The following GNA15 variants were observed in gnomAD, a reference collection of about 807,000 sequenced individuals.
GNA15 encodes G protein subunit alpha 15, also known as guanine nucleotide-binding protein subunit alpha-15.
Under a neutral mutation model 40.1 loss-of-function variants are expected in GNA15, and 23 were observed. The observed-to-expected ratio is 0.57, with a 90% CI of 0.41 to 0.81. The LOEUF is 0.81. Among genes scored for constraint, GNA15 ranks in the 40% least tolerant of loss-of-function variants. The probability of loss-of-function intolerance (pLI) is 0.00; values close to 1 mark genes in which losing one functional copy is unlikely to be tolerated. For synonymous variants in GNA15, 226 were observed against 210.4 expected (o/e 1.07, Z -0.64); for missense variants, 522 against 515.8 (o/e 1.01, Z -0.12).
At position 3,148,634 on chromosome 19, in the gene GNA15, G is replaced by A. The variant is rs1191612939; in HGVS notation, c.189G>A (p.Arg63=). Residue 63 remains arginine (R), a synonymous_variant, in exon 2 of 7, where the codon CGG becomes CGA. Coordinates refer to ENST00000262958, the MANE Select transcript of GNA15 (RefSeq NM_002068.4). ...AGAGCACCTTCATCAAGCAGATGCG[G>A]ATCATCCACGGCGCCGGCTACTCGG... is the stretch of plus-strand genomic sequence containing the variant. ...SGKSTFIKQM[R]IIHGAGYSEE... The A allele has an allele frequency of 1.1e-5, 18 of 1,587,852 alleles. No individual in the cohort carries two copies. The highest frequency in any genetic ancestry group is 1.5e-5 in the Non-Finnish European group (18 of 1,166,846).
Position 3,151,906 on chromosome 19 carries a change from G to C in GNA15, c.614+71G>C, listed in dbSNP as rs1016700792. 47 of 1,175,690 alleles carry C rather than the reference G, an allele frequency of 4.0e-5. No homozygotes were observed. Among genetic ancestry groups the C allele is most frequent in the Non-Finnish European group, 5.3e-5 (44 of 835,096 alleles). 72.8% of individuals were successfully genotyped at this position (1,175,690 alleles called of 1,614,324 possible). On this transcript the variant is annotated intron_variant, in intron 4 of 6. Coordinates refer to ENST00000262958, the MANE Select transcript of GNA15 (RefSeq NM_002068.4). The surrounding 1 kb of genome is among the most constrained non-coding windows in gnomAD (Gnocchi z 5.0). ...CTGTAGGAAGGGCAAAGGAGCTGGG[G>C]CCCTGAGGGATGAGTAGGAGTTTCT...
Position 3,151,570 on chromosome 19 carries a change from C to T in GNA15, c.486-137C>T. 1.0e-6 allele frequency: 1 copy of T among 999,408 alleles called. No homozygotes were observed. The highest frequency in any genetic ancestry group is 1.4e-6 in the Non-Finnish European group (1 of 702,820). 61.9% of individuals were successfully genotyped at this position (999,408 alleles called of 1,614,324 possible). A position where few individuals can be genotyped will look rare whatever the true frequency, so the allele number is the denominator to read the frequency against. On this transcript the variant is annotated intron_variant, in intron 3 of 6. Transcript: ENST00000262958. This position sits in a 1 kb window ranked among gnomAD's most constrained non-coding sequence, Gnocchi z 5.0. The stretch of plus-strand genomic sequence containing the variant: ...CAGGTGGGGGACGCTCCTGGGCCAT[C>T]TGCCAACTCCAGGGACCCCACCTCC...
Position 3,144,815 on chromosome 19 carries a change from A to G in GNA15, c.146-3776A>G, listed in dbSNP as rs563359088. Among the ~76,000 whole-genome samples, 277 of 146,764 alleles carry G rather than the reference A, an allele frequency of 1.9e-3. 1 individual carries two copies. The highest frequency in any genetic ancestry group is 3.3e-3 in the Admixed American group (48 of 14,446). On this transcript the variant is annotated intron_variant, in intron 1 of 6. Coordinates refer to ENST00000262958, the MANE Select transcript of GNA15 (RefSeq NM_002068.4). ...AGTGCTGAGATTACAGGCGTGAGCC[A>G]CCGGGCCCGGCCCTTTATTTTTATT...
At chr19:3,143,760 C>T (rs113482633) in intron 1 of GNA15, among the ~76,000 whole-genome samples, 4,049 of 152,128 alleles carry the variant, frequency 0.027, 76 homozygotes, top group Middle Eastern at 0.055. Context: ...AGGAATTGTG[C>T]GACCCACAGC....
Position 3,151,725 on chromosome 19 carries a change from G to T in GNA15, c.504G>T (p.Glu168Asp), listed in dbSNP as rs201656938. ...DSAVYYLSHL[E>D]RITEEGYVPT... Reference sequence around the variant, plus strand: ...TCTGCAGCTACCTGTCCCACCTGGAGCGCATCACCGAGGAGGGCTACGTCC... The same window carrying T: ...TCTGCAGCTACCTGTCCCACCTGGATCGCATCACCGAGGAGGGCTACGTCC... Residue 168 changes from glutamate (E) to aspartate (D), a missense_variant, in exon 4 of 7, where the codon GAG (glutamate) becomes GAT (aspartate). Coordinates refer to ENST00000262958, the MANE Select transcript of GNA15 (RefSeq NM_002068.4). The surrounding 1 kb of genome is among the most constrained non-coding windows in gnomAD (Gnocchi z 5.0). 97 of 1,604,974 alleles carry T rather than the reference G, an allele frequency of 6.0e-5. 1 individual carries two copies. In the East Asian group the frequency reaches 2.1e-3, roughly 35 times the overall value.
chr19:3,144,794 C>T lies in GNA15; in HGVS notation c.146-3797C>T, dbSNP rs562304841. The stretch of plus-strand genomic sequence containing the variant: ...CCGCCCGCCTTGGCCTCCCATAGTG[C>T]TGAGATTACAGGCGTGAGCCACCGG... On this transcript the variant is annotated intron_variant, in intron 1 of 6. Coordinates refer to ENST00000262958, the MANE Select transcript of GNA15 (RefSeq NM_002068.4). 4.0e-5 allele frequency among the ~76,000 whole-genome samples: 6 copies of T among 150,556 alleles called. No individual in the cohort carries two copies. In the East Asian group the frequency reaches 1.2e-3, roughly 30 times the overall value.
rs959336680 is a variant in GNA15, at chr19:3,136,733, G to C, written c.145+138G>C. 2.5e-6 allele frequency: 2 copies of C among 785,752 alleles called. No individual in the cohort carries two copies. The highest frequency in any genetic ancestry group is 2.0e-6 in the Non-Finnish European group (1 of 500,972). 48.7% of individuals were successfully genotyped at this position (785,752 alleles called of 1,614,324 possible). On this transcript the variant is annotated intron_variant, in intron 1 of 6. Coordinates refer to ENST00000262958, the MANE Select transcript of GNA15 (RefSeq NM_002068.4). This position sits in a 1 kb window ranked among gnomAD's most constrained non-coding sequence, Gnocchi z 4.9. ...CCGTCGCCTCCTCCCAGGGAATGGG[G>C]AGCCTGGAACCCATTTTCCAGATGA...
At chr19:3,159,042 TGAGACG>T (rs970328195) in intron 6 of GNA15, among the ~76,000 whole-genome samples, 3 of 152,194 alleles carry the variant, frequency 2.0e-5, no homozygotes, top group African/African-American at 7.2e-5. Context: ...GTTTGTTTTT[TGAGACG>T]GAGTCTCGCT....
intron 1 of GNA15, among the ~76,000 whole-genome samples, chr19:3,141,042 GT>G (rs936116782): frequency 1.5e-4 from 21 of 138,382 alleles, no homozygotes; most frequent in Middle Eastern, 3.6e-3. Flanking sequence ...TCCAAAAGCT[GT>G]TTTTTTTTTA....
chr19:3,160,131 T>C (rs893647370), intron 6 of GNA15, among the ~76,000 whole-genome samples: 12 of 152,240 alleles, frequency 7.9e-5, no homozygotes, highest in Admixed American at 2.0e-4. Flanking sequence ...TTGAGCTGGG[T>C]AAGTTCATCT....
chr19:3,156,635 G>C (rs374209532), intron 5 of GNA15, among the ~76,000 whole-genome samples: 1 of 152,084 alleles, frequency 6.6e-6, no homozygotes, highest in African/African-American at 2.4e-5. Context: ...TGGGATTACA[G>C]GCACCCGCCA....
chr19:3,138,983 T>G (rs1185654410), intron 1 of GNA15, among the ~76,000 whole-genome samples: 1 of 145,654 alleles, frequency 6.9e-6, no homozygotes, highest in Admixed American at 7.0e-5. Flanking sequence ...TCTTGCTCTG[T>G]CCCCCAGGTT....
intron 5 of GNA15, among the ~76,000 whole-genome samples, chr19:3,156,187 C>CT (rs1177293462): frequency 4.0e-4 from 61 of 151,456 alleles, no homozygotes; most frequent in African/African-American, 1.4e-3. Flanking sequence ...CACACACACA[C>CT]ACACACACAC....
chr19:3,153,938 T>C lies in GNA15; in HGVS notation c.615-1885T>C, dbSNP rs1300365117. ...GTAGATGGGTGGACGAGTGAGTGGA[T>C]AGATGGGTAGATGGATGTATGAGTA... On this transcript the variant is annotated intron_variant, in intron 4 of 6. Coordinates refer to ENST00000262958, the MANE Select transcript of GNA15 (RefSeq NM_002068.4). 2.0e-5 allele frequency among the ~76,000 whole-genome samples: 3 copies of C among 148,480 alleles called. No homozygotes were observed. In the East Asian group the frequency reaches 6.1e-4, roughly 30 times the overall value.
Position 3,147,680 on chromosome 19 carries a change from G to A in GNA15, c.146-911G>A, listed in dbSNP as rs559022751. On this transcript the variant is annotated intron_variant, in intron 1 of 6. Coordinates refer to ENST00000262958, the MANE Select transcript of GNA15 (RefSeq NM_002068.4). Reference sequence around the variant, plus strand: ...CCAGCACTTTGGGAGGCCGAGGCGGGTGGATCACGAGGTCAAGACCACGGT... The same window carrying A: ...CCAGCACTTTGGGAGGCCGAGGCGGATGGATCACGAGGTCAAGACCACGGT... Among the ~76,000 whole-genome samples the A allele has an allele frequency of 4.6e-5, 7 of 152,096 alleles. No individual in the cohort carries two copies. In the East Asian group the frequency reaches 7.7e-4, roughly 17 times the overall value.
chr19:3,157,561 C>G (rs1249620852), intron 5 of GNA15, among the ~76,000 whole-genome samples, 167 bp from the exon 6 acceptor site: 1 of 152,186 alleles, frequency 6.6e-6, no homozygotes, highest in Non-Finnish European at 1.5e-5. Flanking sequence ...TCAGGCACAC[C>G]CAGGCAGCTG....
chr19:3,141,188 G>A (rs1914568622), intron 1 of GNA15, among the ~76,000 whole-genome samples: 1 of 152,032 alleles, frequency 6.6e-6, no homozygotes, highest in South Asian at 2.1e-4. Flanking sequence ...GGGTATGGTG[G>A]CACATACCTG....
rs774223240 is a variant in GNA15 at position 3,148,644 on chromosome 19, G to C, written c.199G>C (p.Gly67Arg). Residue 67 changes from glycine (G) to arginine (R), a missense_variant, in exon 2 of 7, where the codon GGC becomes CGC. Gly to Arg is a moderately radical substitution (Grantham distance 125, BLOSUM62 -2). Transcript: ENST00000262958. ...CATCAAGCAGATGCGGATCATCCAC[G>C]GCGCCGGCTACTCGGAGGAGGAGCG... The part of the protein sequence containing the change: ...TFIKQMRIIH[G>R]AGYSEEERKG... 6.3e-7 allele frequency: 1 copy of C among 1,588,850 alleles called. No individual in the cohort carries two copies. Among genetic ancestry groups the C allele is most frequent in the Non-Finnish European group, 8.6e-7 (1 of 1,167,406 alleles).
chr19:3,154,513 T>C (rs1005520628), intron 4 of GNA15, among the ~76,000 whole-genome samples: 1 of 150,160 alleles, frequency 6.7e-6, no homozygotes, highest in Non-Finnish European at 1.5e-5. Flanking sequence ...GATGAGTAAA[T>C]GGAGAGATGG....
Sources: allele counts gnomAD v4.1 joint callset (sites outside exome capture counted in the v4.1 genomes callset), GRCh38; gene constraint gnomAD v4.1.1; non-coding constraint Gnocchi (gnomAD v3.1); transcripts MANE v1.5; gene names NCBI Gene and HGNC (gene_info 2026-07-23, HGNC 2026-07-21).